The following NOVA1 variants were observed in gnomAD, a reference collection of about 807,000 sequenced individuals.
NOVA1 encodes the protein NOVA alternative splicing regulator 1.
NOVA1 carries 7 observed loss-of-function variants against 38.0 expected under a neutral mutation model. The observed-to-expected ratio is 0.18, with a 90% CI of 0.10 to 0.35. The LOEUF is 0.35. NOVA1 is among the 10% of genes least tolerant of loss of function. The pLI is 1.00. For missense variants in NOVA1, 460 were observed against 616.0 expected (o/e 0.75, Z 2.68); for synonymous variants, 270 against 232.5 (o/e 1.16, Z -1.47).
chr14:26,479,889 T>C (rs61990568), intron 3 of NOVA1, 88 bp downstream of exon 3: 71,556 of 1,419,166 alleles, frequency 0.05, 2,129 homozygotes, highest in South Asian at 0.09. Context: ...AAAATAAAAG[T>C]TTTATGCTAA....
At chr14:26,481,661 T>C (rs1374894947) in intron 2 of NOVA1, among the ~76,000 whole-genome samples, 1 of 152,134 alleles carries the variant, frequency 6.6e-6, no homozygotes, top group African/African-American at 2.4e-5. Context: ...GGATAAAGCC[T>C]GAAAAACATA....
In NOVA1 at chr14:26,543,518, C is replaced by T. The variant is rs1442691107; in HGVS notation, c.280+51892G>A. On this transcript the variant is annotated intron_variant, in intron 2 of 4. Coordinates refer to ENST00000539517, the MANE Select transcript of NOVA1 (RefSeq NM_002515.3). ...GAAACAAAGTATTAATGAGAACACA[C>T]TAGAGAGAAATATTTATTCTAACTG... is the stretch of plus-strand genomic sequence containing the variant. 2.0e-5 allele frequency among the ~76,000 whole-genome samples: 3 copies of T among 151,764 alleles called. No individual in the cohort carries two copies. The East Asian group carries it at 5.8e-4, about 29-fold the overall frequency.
intron 2 of NOVA1, among the ~76,000 whole-genome samples, chr14:26,506,045 A>C (rs1887618357): frequency 6.6e-6 from 1 of 152,198 alleles, no homozygotes; most frequent in Admixed American, 6.5e-5. Flanking sequence ...ATGCTTATCT[A>C]AAACACTAGT....
At chr14:26,583,954 T>A (rs1160896505) in intron 2 of NOVA1, among the ~76,000 whole-genome samples, 1 of 150,948 alleles carries the variant, frequency 6.6e-6, no homozygotes, top group Non-Finnish European at 1.5e-5. Flanking sequence ...TTTATCCAAT[T>A]AAAAATAAGT....
chr14:26,450,641 T>C (rs1438300928), intron 4 of NOVA1, among the ~76,000 whole-genome samples: 2 of 152,174 alleles, frequency 1.3e-5, no homozygotes, highest in Non-Finnish European at 2.9e-5. Context: ...TTATAACATT[T>C]GTTAGTTTTG....
chr14:26,512,091 T>C (rs1234806083), intron 2 of NOVA1, among the ~76,000 whole-genome samples: 1 of 152,188 alleles, frequency 6.6e-6, no homozygotes, highest in Non-Finnish European at 1.5e-5. Flanking sequence ...TACTGCTATA[T>C]AATGTAAAGA....
At chr14:26,510,077 T>G (rs72670856) in intron 2 of NOVA1, among the ~76,000 whole-genome samples, 1 of 151,220 alleles carries the variant, frequency 6.6e-6, no homozygotes, top group Non-Finnish European at 1.5e-5. Context: ...GCAGGAAAAA[T>G]ATTGGAGAAA....
rs563401938 is a variant in NOVA1, at chr14:26,597,507, C to CTTTTTTTTT, written c.-80_-72dup. Reference sequence around the variant, plus strand: ...GTTTTGGCTTTTTCTTTTCTTTTTTCTTTTTTTTTTTTTTTTTTTTTTGCG... The same window carrying CTTTTTTTTT: ...GTTTTGGCTTTTTCTTTTCTTTTTTCTTTTTTTTTTTTTTTTTTTTTTTTTTTTTTTGCG... On this transcript the variant is annotated 5_prime_UTR_variant, in exon 1 of 5. Transcript: ENST00000539517. 223 of 782,408 alleles carry CTTTTTTTTT rather than the reference C, an allele frequency of 2.9e-4. No homozygotes were observed. Among genetic ancestry groups the CTTTTTTTTT allele is most frequent in the Admixed American group, 1.8e-3 (8 of 4,478 alleles). The allele number at this position is 782,408 out of a possible 1,614,324, so 48.5% of individuals were successfully genotyped here.
chr14:26,449,037 GA>G, intron 4 of NOVA1, 74 bp from the exon 5 acceptor site: 1 of 1,334,750 alleles, frequency 7.5e-7, no homozygotes, highest in Non-Finnish European at 1.0e-6. Context: ...TGCTATCCTA[GA>G]AAAGTAAAAT....
At chr14:26,459,048 A>G (rs1883431937) in intron 4 of NOVA1, among the ~76,000 whole-genome samples, 1 of 152,114 alleles carries the variant, frequency 6.6e-6, no homozygotes, top group South Asian at 2.1e-4. Flanking sequence ...TAAAGTCTAC[A>G]GCAGTGTACA....
intron 4 of NOVA1, chr14:26,470,287 A>T: frequency 7.4e-7 from 1 of 1,344,330 alleles, no homozygotes; most frequent in Non-Finnish European, 1.0e-6. Flanking sequence ...ACTATTGACA[A>T]GAAACAAATG....
At chr14:26,553,351 T>C (rs1891279556) in intron 2 of NOVA1, among the ~76,000 whole-genome samples, 1 of 152,192 alleles carries the variant, frequency 6.6e-6, no homozygotes, top group Non-Finnish European at 1.5e-5. Flanking sequence ...CCTTCTCCTG[T>C]CCCCATCATG....
chr14:26,487,937 T>A (rs1454325236), intron 2 of NOVA1, among the ~76,000 whole-genome samples: 3 of 152,284 alleles, frequency 2.0e-5, no homozygotes, highest in Middle Eastern at 3.4e-3. Flanking sequence ...CCATTAAAAG[T>A]AAGTTCAATT....
At chr14:26,474,954 T>G (rs758356974) in intron 3 of NOVA1, among the ~76,000 whole-genome samples, 9 of 152,012 alleles carry the variant, frequency 5.9e-5, no homozygotes, top group Non-Finnish European at 1.0e-4. Flanking sequence ...GAAAGTTTCC[T>G]TTCAGTTGAT....
At chr14:26,593,374 G>C (rs1893983447) in intron 2 of NOVA1, 1 of 151,846 alleles carries the variant, frequency 6.6e-6, no homozygotes, top group Non-Finnish European at 1.5e-5. Flanking sequence ...GAAGCAAAGA[G>C]ATTATCTGTC....
At chr14:26,468,620 A>C (rs554161607) in intron 4 of NOVA1, among the ~76,000 whole-genome samples, 1 of 152,356 alleles carries the variant, frequency 6.6e-6, no homozygotes, top group African/African-American at 2.4e-5. Context: ...TCTAGAGAAT[A>C]AGAGAATAAG....
intron 2 of NOVA1, among the ~76,000 whole-genome samples, chr14:26,515,938 C>A (rs1406243404): frequency 6.6e-6 from 1 of 152,038 alleles, no homozygotes; most frequent in Admixed American, 6.6e-5. Flanking sequence ...TTTTCAAGAA[C>A]ACAAACGTAT....
At chr14:26,497,312 G>T (rs1886893794) in intron 2 of NOVA1, among the ~76,000 whole-genome samples, 1 of 152,064 alleles carries the variant, frequency 6.6e-6, no homozygotes, top group African/African-American at 2.4e-5. Context: ...CAAACAAATG[G>T]AAGAACATTC....
At chr14:26,466,438 C>G (rs572833643) in intron 4 of NOVA1, among the ~76,000 whole-genome samples, 1 of 152,144 alleles carries the variant, frequency 6.6e-6, no homozygotes, top group Non-Finnish European at 1.5e-5. Flanking sequence ...GAGTGGGGAA[C>G]TGGACATAGT....
Sources: allele counts gnomAD v4.1 joint callset (sites outside exome capture counted in the v4.1 genomes callset), GRCh38; gene constraint gnomAD v4.1.1; transcripts MANE v1.5; gene names NCBI Gene and HGNC (gene_info 2026-07-23, HGNC 2026-07-21).